PRICKLE2: variants seen among roughly 807,000 people sequenced by gnomAD.
PRICKLE2 encodes the protein prickle planar cell polarity protein 2.
A neutral mutation model predicts 81.4 loss-of-function variants in PRICKLE2; 21 were observed. That is an observed-to-expected ratio of 0.26 (90% CI 0.18 to 0.37). The LOEUF (loss-of-function observed/expected upper bound fraction) is 0.37. Among genes scored for constraint, PRICKLE2 ranks in the 10% least tolerant of loss-of-function variants. The pLI is 1.00. For missense variants in PRICKLE2, 940 were observed against 1,109.0 expected, an observed-to-expected ratio of 0.85 and a Z score of 2.16; for synonymous variants, 456 against 421.5, an observed-to-expected ratio of 1.08 and a Z score of -1.00.
chr3:64,127,635 G>C (rs1313141493), intron 7 of PRICKLE2, among the ~76,000 whole-genome samples: 1 of 151,992 alleles, frequency 6.6e-6, no homozygotes, highest in African/African-American at 2.4e-5. Flanking sequence ...CAGCTGGGGA[G>C]CTCTTCTGCC....
chr3:64,230,580 T>C (rs2079088709), intron 2 of PRICKLE2, among the ~76,000 whole-genome samples: 1 of 152,170 alleles, frequency 6.6e-6, no homozygotes, highest in East Asian at 1.9e-4. Context: ...TCCTCAACAG[T>C]TTCTAGCCAA....
intron 7 of PRICKLE2, chr3:64,146,626 C>T (rs1021488960): frequency 1.7e-6 from 1 of 574,042 alleles, no homozygotes; most frequent in Non-Finnish European, 3.1e-6. Context: ...ACCTGTAGTC[C>T]CAACTACTCG....
In PRICKLE2 at chr3:64,211,133, T is replaced by C. The variant is rs149830299; in HGVS notation, c.-40-12166A>G. 3.3e-5 allele frequency among the ~76,000 whole-genome samples: 5 copies of C among 152,278 alleles called. No homozygotes were observed. The East Asian group carries it at 9.7e-4, about 29-fold the overall frequency. On this transcript the variant is annotated intron_variant, in intron 1 of 7. Coordinates refer to ENST00000638394, the MANE Select transcript of PRICKLE2 (RefSeq NM_198859.4). ...ACAGCCATTGGTTGAAGACCACTCC[T>C]TGGTGCTCTTTGCCCTCTCCCACAG...
intron 2 of PRICKLE2, among the ~76,000 whole-genome samples, chr3:64,243,447 C>G (rs576068549): frequency 6.6e-6 from 1 of 152,292 alleles, no homozygotes; most frequent in African/African-American, 2.4e-5. Context: ...CCCTTGGGAA[C>G]CAGTGGTCTA....
intron 1 of PRICKLE2, among the ~76,000 whole-genome samples, chr3:64,205,193 G>A (rs1019367010): frequency 4.6e-5 from 7 of 151,742 alleles, no homozygotes; most frequent in African/African-American, 1.7e-4. Context: ...TGAATGACAG[G>A]TTTCTGAGGA....
rs747788121 is a variant in PRICKLE2 at position 64,099,637 on chromosome 3, G to T, written c.1949C>A (p.Ala650Glu). 1 of 1,613,912 alleles carries T rather than the reference G, an allele frequency of 6.2e-7. No individual in the cohort carries two copies. The highest frequency in any genetic ancestry group is 8.5e-7 in the Non-Finnish European group (1 of 1,180,028). ...CTCCTGCCCTGGCAGCTTGCTGCCC[G>T]CCATCCCTCCATCAAAATCAAAGCT... ...HQSFDFDGGM[A>E]GSKLPGQEGV... Residue 650 changes from alanine to glutamate, a missense_variant, in exon 8 of 8, where the codon GCG becomes GAG. Physicochemically the swap from Ala to Glu is moderately radical, Grantham distance 107 (BLOSUM62 -1). Coordinates refer to ENST00000638394, the MANE Select transcript of PRICKLE2 (RefSeq NM_198859.4). The surrounding 1 kb of genome is among the most constrained non-coding windows in gnomAD (Gnocchi z 4.3).
chr3:64,192,097 G>A (rs1217550372), intron 2 of PRICKLE2, among the ~76,000 whole-genome samples: 2 of 152,202 alleles, frequency 1.3e-5, no homozygotes, highest in Non-Finnish European at 2.9e-5. Flanking sequence ...AAATCTTTAG[G>A]AGCAGCCGAG....
chr3:64,264,651 T>G (rs2079670843), intron 2 of PRICKLE2, among the ~76,000 whole-genome samples: 2 of 152,212 alleles, frequency 1.3e-5, no homozygotes, highest in Admixed American at 6.5e-5. Context: ...GAACAGAGCC[T>G]CAATCATCAG....
chr3:64,209,648 A>T (rs2078754450), intron 1 of PRICKLE2, among the ~76,000 whole-genome samples: 2 of 152,190 alleles, frequency 1.3e-5, no homozygotes, highest in Admixed American at 6.5e-5. Context: ...TCACCCACCA[A>T]CATTGACTGA....
chr3:64,265,974 G>A (rs1409719444), intron 2 of PRICKLE2, among the ~76,000 whole-genome samples: 1 of 152,226 alleles, frequency 6.6e-6, no homozygotes, highest in East Asian at 1.9e-4. Context: ...TTTCTTAAAT[G>A]GAAGTACAAC....
chr3:64,142,115 C>A (rs2077371176), intron 7 of PRICKLE2, among the ~76,000 whole-genome samples: 1 of 152,046 alleles, frequency 6.6e-6, no homozygotes, highest in African/African-American at 2.4e-5. Flanking sequence ...ATGTGAAAGG[C>A]TATGTAGGGT....
At chr3:64,189,041 C>T (rs1419763922) in intron 2 of PRICKLE2, among the ~76,000 whole-genome samples, 1 of 152,220 alleles carries the variant, frequency 6.6e-6, no homozygotes, top group Non-Finnish European at 1.5e-5. Context: ...TTTCTATTCA[C>T]AGCTGTCCCC....
At chr3:64,146,381 T>C (rs1024235095) in intron 7 of PRICKLE2, 1 of 196,562 alleles carries the variant, frequency 5.1e-6, no homozygotes, top group Non-Finnish European at 1.1e-5. Flanking sequence ...ATAGAAGCCA[T>C]CTCAAACTTG....
chr3:64,233,417 G>A (rs190786626), intron 2 of PRICKLE2, among the ~76,000 whole-genome samples: 2 of 152,280 alleles, frequency 1.3e-5, no homozygotes, highest in East Asian at 1.9e-4. Context: ...TTGCTTCTCC[G>A]ACACTATCTC....
rs1199006668 is a variant in PRICKLE2 at position 64,153,299 on chromosome 3, C to T, written c.670G>A (p.Glu224Lys). Residue 224 changes from glutamate to lysine, a missense_variant, in exon 6 of 8, where the codon GAG (glutamate) becomes AAG (lysine). Glu to Lys is a moderately conservative substitution (Grantham distance 56). Coordinates refer to ENST00000638394, the MANE Select transcript of PRICKLE2 (RefSeq NM_198859.4). ...TGGCCGCCCAGCACTGTCTCACACT[C>T]GAAGCAGCAAAAGTGTTTCATGTGC... is the stretch of plus-strand genomic sequence containing the variant. ...HWHMKHFCCF[E>K]CETVLGGQRY... The T allele has an allele frequency of 3.1e-6, 5 of 1,614,184 alleles. No individual in the cohort carries two copies. The highest frequency in any genetic ancestry group is 3.4e-6 in the Non-Finnish European group (4 of 1,180,024).
intron 7 of PRICKLE2, among the ~76,000 whole-genome samples, chr3:64,144,357 T>G (rs1188818629): frequency 6.6e-6 from 1 of 152,216 alleles, no homozygotes; most frequent in Non-Finnish European, 1.5e-5. Flanking sequence ...CATAACAATA[T>G]TCCTCCCTCA....
intron 4 of PRICKLE2, among the ~76,000 whole-genome samples, chr3:64,158,951 G>A (rs919930897): frequency 2.0e-5 from 3 of 152,144 alleles, no homozygotes; most frequent in East Asian, 1.9e-4. Flanking sequence ...AGGGGTCTAC[G>A]CAGAGCTTAA....
chr3:64,174,913 C>T (rs1203593635), intron 2 of PRICKLE2: 1 of 208,774 alleles, frequency 4.8e-6, no homozygotes, highest in African/African-American at 2.3e-5. Context: ...GTTAGAAGGT[C>T]CTGGTTTGCA....
intron 2 of PRICKLE2, among the ~76,000 whole-genome samples, chr3:64,198,074 T>C (rs541522028): frequency 6.6e-6 from 1 of 151,294 alleles, no homozygotes; most frequent in Admixed American, 6.6e-5. Context: ...TAGCCAGGGG[T>C]GGTGGCGGGT....
Sources: allele counts gnomAD v4.1 joint callset (sites outside exome capture counted in the v4.1 genomes callset), GRCh38; gene constraint gnomAD v4.1.1; non-coding constraint Gnocchi (gnomAD v3.1); transcripts MANE v1.5; gene names NCBI Gene and HGNC (gene_info 2026-07-23, HGNC 2026-07-21).